Variants in TARS1 observed in about 807,000 individuals in gnomAD.
TARS1 encodes the protein threonyl-tRNA synthetase 1, also known as threonine--tRNA ligase 1, cytoplasmic.
TARS1 carries 57 observed loss-of-function variants against 97.7 expected under a neutral mutation model. The ratio of observed to expected loss-of-function variants is 0.58; its 90% CI spans 0.47 to 0.73. The LOEUF is 0.73. Ranked by LOEUF, TARS1 falls within the 30% of genes least tolerant of loss-of-function variation. TARS1 has a pLI of 0.00. For missense variants in TARS1, 806 were observed against 888.3 expected (o/e 0.91, Z 1.18); for synonymous variants, 312 against 293.7 (o/e 1.06, Z -0.64).
intron 13 of TARS1, 86 bp downstream of exon 13, chr5:33,461,381 G>A: frequency 6.6e-6 from 10 of 1,506,174 alleles, no homozygotes; most frequent in Non-Finnish European, 8.9e-6. Flanking sequence ...TCTTTAAATG[G>A]ATAAAAGCAA....
At position 33,461,266 on chromosome 5, in the gene TARS1, G is replaced by A. The variant is rs993833764; in HGVS notation, c.1522G>A (p.Asp508Asn). The change falls in exon 13 of 19, where the codon GAT becomes AAT. Residue 508 changes from aspartate to asparagine, a missense_variant. This residue lies in a region of TARS1 where 446 missense variants were observed against 511.0 expected (regional missense o/e 0.87). Transcript: ENST00000265112. The stretch of plus-strand genomic sequence containing the variant: ...TACTCGCCCGGAAAAATTCCTTGGA[G>A]ATATCGAAGTATGGGATCAAGCTGA... Reference protein sequence around the residue: ...LSTRPEKFLGDIEVWDQAEKQ... With the variant: ...LSTRPEKFLGNIEVWDQAEKQ... The A allele has an allele frequency of 1.2e-6, 2 of 1,613,178 alleles. No individual in the cohort carries two copies. The highest frequency in any genetic ancestry group is 1.7e-6 in the Non-Finnish European group (2 of 1,179,814).
intron 1 of TARS1, chr5:33,441,800 T>C (rs2111909919): frequency 6.6e-6 from 1 of 152,344 alleles, no homozygotes; most frequent in African/African-American, 2.4e-5. Flanking sequence ...GAAGGCACTT[T>C]AGAATTTAGT....
Position 33,455,635 on chromosome 5 carries a change from A to T in TARS1, c.624A>T (p.Lys208Asn). ...CTTCTCTGGAGGCTTTGTGTAAGAA[A>T]ATCATTAAAGAAAAACAAGCTTTTG... The part of the protein sequence containing the change: ...DFSSLEALCK[K>N]IIKEKQAFER... The change falls in exon 6 of 19, where the codon AAA becomes AAT. Residue 208 changes from lysine to asparagine, a missense_variant. Lys to Asn is a moderately conservative substitution (Grantham distance 94). Coordinates refer to ENST00000265112, the MANE Select transcript of TARS1 (RefSeq NM_152295.5). 1 of 1,613,156 alleles carries T rather than the reference A, an allele frequency of 6.2e-7. No homozygotes were observed. Among genetic ancestry groups the T allele is most frequent in the Non-Finnish European group, 8.5e-7 (1 of 1,179,352 alleles).
intron 5 of TARS1, 150 bp from the exon 6 acceptor site, chr5:33,455,437 T>G (rs1203842239): frequency 1.9e-6 from 1 of 523,170 alleles, no homozygotes; most frequent in South Asian, 4.3e-5. Flanking sequence ...GAAAAATGTT[T>G]TGTTTAGAAT....
chr5:33,458,776 G>A (rs3765147), intron 10 of TARS1, 112 bp downstream of exon 10: 185,624 of 864,696 alleles, frequency 0.21, 22,315 homozygotes, highest in East Asian at 0.48. Context: ...TATATAAGAC[G>A]ATAAGTAAAA....
At chr5:33,443,852 A>G (rs1651453012) in intron 1 of TARS1, among the ~76,000 whole-genome samples, 1 of 152,196 alleles carries the variant, frequency 6.6e-6, no homozygotes, top group Non-Finnish European at 1.5e-5. Context: ...GCAGTATAAC[A>G]AAGGCTCTAT....
At chr5:33,446,657 G>C (rs1741435122) in intron 2 of TARS1, 1 of 1,288,054 alleles carries the variant, frequency 7.8e-7, no homozygotes. Flanking sequence ...CTGACACAGA[G>C]GGTATCTGCT....
Position 33,457,201 on chromosome 5 carries a change from A to G in TARS1, c.838-56A>G, listed in dbSNP as rs536711161. 4.4e-6 allele frequency: 7 copies of G among 1,587,636 alleles called. No homozygotes were observed. In the East Asian group the frequency reaches 1.3e-4, roughly 31 times the overall value. Reference sequence around the variant, plus strand: ...GGCCTCAAAGCAATTGGGAGTTAAAATAAGTGAGATGTTTACAAATTTGAA... The same window carrying G: ...GGCCTCAAAGCAATTGGGAGTTAAAGTAAGTGAGATGTTTACAAATTTGAA... On this transcript the variant is annotated intron_variant, in intron 8 of 18. Coordinates refer to ENST00000265112, the MANE Select transcript of TARS1 (RefSeq NM_152295.5).
chr5:33,467,513 C>A, intron 18 of TARS1, 47 bp from the exon 19 acceptor site: 1 of 1,586,056 alleles, frequency 6.3e-7, no homozygotes, highest in South Asian at 1.2e-5. Flanking sequence ...GTGAATTCTT[C>A]CATATCTTTA....
intron 1 of TARS1, among the ~76,000 whole-genome samples, chr5:33,443,527 C>T (rs1195552979): frequency 1.5e-5 from 2 of 135,262 alleles, no homozygotes; most frequent in African/African-American, 2.8e-5. Flanking sequence ...GAGTCTTGCT[C>T]TGTCTCCCAG....
Position 33,461,013 on chromosome 5 carries a change from G to C in TARS1, c.1362G>C (p.Arg454=), listed in dbSNP as rs1288053478. Residue 454 remains arginine, a synonymous_variant, in exon 12 of 19, where the codon CGG becomes CGC. Coordinates refer to ENST00000265112, the MANE Select transcript of TARS1 (RefSeq NM_152295.5). ...ELSGALTGLT[R]VRRFQQDDAH... ...CTGGAGCACTCACAGGACTCACCCG[G>C]GTACGAAGATTCCAACAGGATGATG... is the stretch of plus-strand genomic sequence containing the variant. 1.9e-6 allele frequency: 3 copies of C among 1,613,984 alleles called. No homozygotes were observed. The highest frequency in any genetic ancestry group is 1.7e-5 in the Admixed American group (1 of 59,990).
intron 17 of TARS1, among the ~76,000 whole-genome samples, chr5:33,464,440 C>T (rs548507707): frequency 6.6e-6 from 1 of 152,258 alleles, no homozygotes; most frequent in Admixed American, 6.5e-5. Context: ...AAAAAACTAA[C>T]TTACCAACAA....
chr5:33,448,801 A>G, intron 3 of TARS1, 70 bp downstream of exon 3: 7 of 1,196,210 alleles, frequency 5.9e-6, no homozygotes, highest in Non-Finnish European at 8.0e-6. Context: ...TTATCTTGCC[A>G]TGTTTTATTC....
At chr5:33,443,826 C>A (rs919161256) in intron 1 of TARS1, among the ~76,000 whole-genome samples, 2 of 152,146 alleles carry the variant, frequency 1.3e-5, no homozygotes, top group Non-Finnish European at 1.5e-5. Context: ...TATACTTGAT[C>A]AGTTACATCA....
chr5:33,450,984 G>A lies in TARS1; in HGVS notation c.329+2253G>A, dbSNP rs149826878. On this transcript the variant is annotated intron_variant, in intron 3 of 18. Transcript: ENST00000265112. ...ACAAAAATTAGCCAGTCATGGTGGC[G>A]CACACCTGTAGTCCCAACTACTTGG... 3.5e-3 allele frequency among the ~76,000 whole-genome samples: 530 copies of A among 152,196 alleles called. 2 individuals are homozygous for A. Among genetic ancestry groups the A allele is most frequent in the African/African-American group, 0.012 (493 of 41,530 alleles).
intron 9 of TARS1, among the ~76,000 whole-genome samples, chr5:33,457,726 ACT>A (rs1470168853): frequency 6.6e-6 from 1 of 152,204 alleles, no homozygotes; most frequent in African/African-American, 2.4e-5. Flanking sequence ...AGTTTCACTG[ACT>A]CATTTAAAAT....
At chr5:33,447,888 A>G (rs1159941961) in intron 2 of TARS1, among the ~76,000 whole-genome samples, 1 of 152,250 alleles carries the variant, frequency 6.6e-6, no homozygotes, top group Non-Finnish European at 1.5e-5. Context: ...GAGTGACAGT[A>G]GAAGAAGTCA....
intron 11 of TARS1, among the ~76,000 whole-genome samples, chr5:33,460,452 T>G (rs1210379941): frequency 6.6e-6 from 1 of 152,246 alleles, no homozygotes; most frequent in Non-Finnish European, 1.5e-5. Flanking sequence ...AAATGTTCCT[T>G]GTCATGAGGC....
chr5:33,445,303 A>C, intron 1 of TARS1, 21 bp from the exon 2 acceptor site: 1 of 1,596,572 alleles, frequency 6.3e-7, no homozygotes, highest in Non-Finnish European at 8.5e-7. Context: ...TTAAAATATA[A>C]AACGTTTTTT....
Sources: allele counts gnomAD v4.1 joint callset (sites outside exome capture counted in the v4.1 genomes callset), GRCh38; gene constraint gnomAD v4.1.1; regional missense constraint gnomAD v4.1.1; transcripts MANE v1.5; gene names NCBI Gene and HGNC (gene_info 2026-07-23, HGNC 2026-07-21).